NEBL: variants seen among roughly 807,000 people sequenced by gnomAD.
The protein encoded by NEBL is LIM and SH3 protein 2.
In NEBL, 122 loss-of-function variants were observed where a neutral mutation model predicts 140.2. That is an observed-to-expected ratio of 0.87 (90% CI 0.75 to 1.01). The LOEUF (loss-of-function observed/expected upper bound fraction) is 1.01. Among genes scored for constraint, NEBL ranks in the 50% least tolerant of loss-of-function variants. NEBL has a pLI of 0.00. For synonymous variants in NEBL, 436 were observed against 398.9 expected (o/e 1.09, Z -1.11); for missense variants, 1,365 against 1,231.3 (o/e 1.11, Z -1.62).
chr10:20,923,627 C>T (rs1170911779), intron 4 of NEBL, among the ~76,000 whole-genome samples: 5 of 115,488 alleles, frequency 4.3e-5, no homozygotes, highest in East Asian at 2.8e-4. Context: ...TGCAGTGAGC[C>T]GAAATCATAC....
At chr10:21,217,330 G>A (rs113606183) in intron 3 of NEBL, among the ~76,000 whole-genome samples, 16 of 152,330 alleles carry the variant, frequency 1.1e-4, no homozygotes, top group African/African-American at 3.8e-4. Flanking sequence ...AGTCACAAGG[G>A]ACAGTGCTCC....
intron 3 of NEBL, among the ~76,000 whole-genome samples, chr10:21,011,638 T>A (rs1253124483): frequency 6.6e-6 from 1 of 150,596 alleles, no homozygotes; most frequent in African/African-American, 2.5e-5. Flanking sequence ...CCTGTTGGCA[T>A]CTGTGGCTGG....
intron 3 of NEBL, among the ~76,000 whole-genome samples, chr10:20,982,823 T>C (rs1172364620): frequency 6.6e-6 from 1 of 152,200 alleles, no homozygotes; most frequent in African/African-American, 2.4e-5. Flanking sequence ...TTAAAAGGGA[T>C]AAAAGATAAT....
intron 2 of NEBL, chr10:21,125,924 C>T: frequency 6.2e-7 from 1 of 1,614,178 alleles, no homozygotes; most frequent in Non-Finnish European, 8.5e-7. Flanking sequence ...CCTTCTGGTC[C>T]CAGAGACAGC....
At chr10:20,890,397 T>C (rs1365459671) in intron 2 of NEBL, among the ~76,000 whole-genome samples, 1 of 152,166 alleles carries the variant, frequency 6.6e-6, no homozygotes, top group East Asian at 1.9e-4. Context: ...AATTAAGAAG[T>C]AGAGGCGAAA....
intron 4 of NEBL, among the ~76,000 whole-genome samples, chr10:20,951,633 A>G (rs930909553): frequency 3.9e-5 from 6 of 152,168 alleles, no homozygotes; most frequent in African/African-American, 1.2e-4. Flanking sequence ...ACACTCAACT[A>G]TTACTCTTAA....
intron 2 of NEBL, among the ~76,000 whole-genome samples, chr10:21,085,757 T>C (rs1052318578): frequency 3.2e-4 from 49 of 152,330 alleles, no homozygotes; most frequent in African/African-American, 1.2e-3. Context: ...TAAAGTTTTG[T>C]TCTAATATAA....
At chr10:21,235,124 A>G (rs1338420075) in intron 3 of NEBL, among the ~76,000 whole-genome samples, 3 of 151,984 alleles carry the variant, frequency 2.0e-5, no homozygotes, top group Non-Finnish European at 4.4e-5. Flanking sequence ...GTGAGATGCC[A>G]TTTCTACAAA....
intron 3 of NEBL, among the ~76,000 whole-genome samples, chr10:21,008,015 T>A (rs1325429548): frequency 6.6e-6 from 1 of 152,176 alleles, no homozygotes; most frequent in Non-Finnish European, 1.5e-5. Flanking sequence ...TAAATCATAC[T>A]TAGCCATTCA....
intron 3 of NEBL, among the ~76,000 whole-genome samples, chr10:20,992,274 A>C (rs1319783831): frequency 6.6e-6 from 1 of 152,230 alleles, no homozygotes; most frequent in Non-Finnish European, 1.5e-5. Context: ...GCCATTCCTA[A>C]GTTTCATCAA....
At chr10:20,838,239 T>C (rs1264998847) in intron 13 of NEBL, among the ~76,000 whole-genome samples, 2 of 152,198 alleles carry the variant, frequency 1.3e-5, no homozygotes, top group African/African-American at 2.4e-5. Context: ...TAGTGATTCA[T>C]GAGAGAAGTA....
chr10:20,871,595 T>C (rs552521482), intron 5 of NEBL, among the ~76,000 whole-genome samples: 1 of 152,316 alleles, frequency 6.6e-6, no homozygotes, highest in East Asian at 1.9e-4. Context: ...ACCAAGACTA[T>C]TTTTTAAACT....
At chr10:20,845,708 G>A (rs979223822) in intron 11 of NEBL, among the ~76,000 whole-genome samples, 6 of 152,204 alleles carry the variant, frequency 3.9e-5, no homozygotes, top group Admixed American at 3.9e-4. Context: ...ACTCCAAGGT[G>A]AGTGGATCCA....
chr10:21,100,266 C>G (rs904184925), intron 2 of NEBL, among the ~76,000 whole-genome samples: 1 of 152,198 alleles, frequency 6.6e-6, no homozygotes, highest in Admixed American at 6.5e-5. Flanking sequence ...CCACCATCAG[C>G]CGGTCCTTTT....
rs1037103121 is a variant in NEBL at position 20,856,985 on chromosome 10, C to T, written c.903+1255G>A. 3.9e-5 allele frequency among the ~76,000 whole-genome samples: 6 copies of T among 152,042 alleles called. No individual in the cohort carries two copies. In the East Asian group the frequency reaches 7.7e-4, roughly 20 times the overall value. On this transcript the variant is annotated intron_variant, in intron 9 of 27. Transcript: ENST00000377122. ...CTGGGATTATAGATGCCCACCACCA[C>T]GCCTAGCTAATTTTTGTATTTTTAG... is the stretch of plus-strand genomic sequence containing the variant.
chr10:21,153,483 C>G (rs1273679043), intron 2 of NEBL, among the ~76,000 whole-genome samples: 6 of 151,310 alleles, frequency 4.0e-5, no homozygotes, highest in African/African-American at 1.5e-4. Context: ...GTGCCCACCA[C>G]TACACCTGGC....
At chr10:20,939,950 C>A (rs1834755850) in intron 4 of NEBL, among the ~76,000 whole-genome samples, 1 of 151,744 alleles carries the variant, frequency 6.6e-6, no homozygotes, top group Admixed American at 6.6e-5. Context: ...CCTTAGAGAC[C>A]CAGAAAGAGA....
chr10:21,108,278 T>A (rs1305261695), intron 2 of NEBL, among the ~76,000 whole-genome samples: 1 of 152,196 alleles, frequency 6.6e-6, no homozygotes, highest in East Asian at 1.9e-4. Context: ...AGATCTTTCC[T>A]TCTTTCTCTT....
chr10:21,000,178 A>C, intron 3 of NEBL, among the ~76,000 whole-genome samples: 1 of 101,606 alleles, frequency 9.8e-6, no homozygotes, highest in Non-Finnish European at 1.9e-5. Context: ...GAGAGGGGGC[A>C]GAGGGGGATA....
Sources: allele counts gnomAD v4.1 joint callset (sites outside exome capture counted in the v4.1 genomes callset), GRCh38; gene constraint gnomAD v4.1.1; transcripts MANE v1.5; gene names NCBI Gene and HGNC (gene_info 2026-07-23, HGNC 2026-07-21).